The following DOCK1 variants were observed in gnomAD, a reference collection of about 807,000 sequenced individuals.
DOCK1 encodes dedicator of cytokinesis protein 1.
DOCK1 carries 138 observed loss-of-function variants against 262.7 expected under a neutral mutation model. That is an observed-to-expected ratio of 0.53 (90% CI 0.46 to 0.61). The LOEUF (loss-of-function observed/expected upper bound fraction) is 0.61, where lower values mean the gene tolerates loss of function less well. Ranked by LOEUF, DOCK1 falls within the 20% of genes least tolerant of loss-of-function variation. The pLI, the probability that DOCK1 is intolerant of heterozygous loss-of-function variation, is 0.00. For synonymous variants in DOCK1, 866 were observed against 867.4 expected, an observed-to-expected ratio of 1.00 and a Z score of 0.03; for missense variants, 1,908 against 2,370.7, an observed-to-expected ratio of 0.80 and a Z score of 4.05.
At chr10:127,223,829 C>T (rs2058532160) in intron 27 of DOCK1, among the ~76,000 whole-genome samples, 1 of 152,132 alleles carries the variant, frequency 6.6e-6, no homozygotes, top group Non-Finnish European at 1.5e-5. Flanking sequence ...TCACTGTCTC[C>T]TTGTCTATAG....
rs975336020 is a variant in DOCK1 at position 127,031,592 on chromosome 10, GTTATT to G, written c.1625-55_1625-51del. 461 of 1,357,740 alleles carry G rather than the reference GTTATT, an allele frequency of 3.4e-4. 2 individuals are homozygous for G. The Middle Eastern group carries it at 0.013, about 39-fold the overall frequency. The allele number at this position is 1,357,740 out of a possible 1,614,324, so 84.1% of individuals were successfully genotyped here. ...GGTAGCCTTTGTAGCTTCTTATAAT[GTTATT>G]TTGTCATGATAATTGAAAGCAATCA... On this transcript the variant is annotated intron_variant, in intron 16 of 51. Transcript: ENST00000623213.
intron 33 of DOCK1, among the ~76,000 whole-genome samples, chr10:127,368,715 ACT>A (rs1269593884): frequency 4.6e-5 from 7 of 151,208 alleles, no homozygotes; most frequent in African/African-American, 1.7e-4. Context: ...CCTTAAGCTG[ACT>A]CTCCCTGCCT....
At chr10:127,078,165 C>T (rs1315505864) in intron 23 of DOCK1, among the ~76,000 whole-genome samples, 1 of 152,120 alleles carries the variant, frequency 6.6e-6, no homozygotes, top group Non-Finnish European at 1.5e-5. Flanking sequence ...AGGTTAAGAT[C>T]TTCCAGAGAA....
intron 23 of DOCK1, among the ~76,000 whole-genome samples, chr10:127,092,522 T>C (rs2047598355): frequency 6.6e-6 from 1 of 152,178 alleles, no homozygotes. Flanking sequence ...CCCATGCTGC[T>C]CTGTCATCCA....
intron 3 of DOCK1, among the ~76,000 whole-genome samples, chr10:126,978,726 A>G (rs1212941591): frequency 6.6e-6 from 1 of 152,164 alleles, no homozygotes; most frequent in Admixed American, 6.5e-5. Context: ...TTTAATATCT[A>G]ATTATGTTTG....
intron 23 of DOCK1, among the ~76,000 whole-genome samples, chr10:127,083,658 G>A (rs147204620): frequency 4.2e-4 from 64 of 152,276 alleles, no homozygotes; most frequent in African/African-American, 1.5e-3. Context: ...TGATTAGTGA[G>A]TTCTGTTTTC....
intron 23 of DOCK1, among the ~76,000 whole-genome samples, chr10:127,088,549 T>G (rs2047332086): frequency 6.6e-6 from 1 of 152,172 alleles, no homozygotes; most frequent in Non-Finnish European, 1.5e-5. Context: ...ATAACAATGA[T>G]TATGGTGCTT....
chr10:127,018,567 C>T, intron 12 of DOCK1, 143 bp from the exon 13 acceptor site: 1 of 1,346,628 alleles, frequency 7.4e-7, no homozygotes, highest in Non-Finnish European at 1.0e-6. Context: ...TGCCTTGCCC[C>T]TCTCTTTCTC....
rs565167507 is a variant in DOCK1 at position 127,029,170 on chromosome 10, G to A, written c.1625-2480G>A. Among the ~76,000 whole-genome samples the A allele has an allele frequency of 1.1e-4, 16 of 149,930 alleles. No individual in the cohort carries two copies. The East Asian group carries it at 1.7e-3, about 16-fold the overall frequency. On this transcript the variant is annotated intron_variant, in intron 16 of 51. Coordinates refer to ENST00000623213, the MANE Select transcript of DOCK1 (RefSeq NM_001290223.2). Reference sequence around the variant, plus strand: ...CATCTGCATAATAAATGAAGTCTCCGTGGCCACAGCTTGTGGGATTTTGGA... The same window carrying A: ...CATCTGCATAATAAATGAAGTCTCCATGGCCACAGCTTGTGGGATTTTGGA...
intron 29 of DOCK1, among the ~76,000 whole-genome samples, chr10:127,334,242 TGATA>T (rs920043423): frequency 4.6e-5 from 7 of 152,180 alleles, no homozygotes; most frequent in Non-Finnish European, 8.8e-5. Flanking sequence ...ATGAAGCCAT[TGATA>T]GATAGATAGA....
chr10:127,319,517 A>G (rs1329391066), intron 29 of DOCK1, among the ~76,000 whole-genome samples: 1 of 152,236 alleles, frequency 6.6e-6, no homozygotes, highest in East Asian at 1.9e-4. Flanking sequence ...TCATTAGCCC[A>G]TGATCACTCA....
chr10:127,127,198 C>G (rs1218298234), intron 26 of DOCK1, among the ~76,000 whole-genome samples: 3 of 152,218 alleles, frequency 2.0e-5, no homozygotes, highest in African/African-American at 4.8e-5. Context: ...TTAATTTTTA[C>G]TGAATGCCAC....
intron 28 of DOCK1, among the ~76,000 whole-genome samples, chr10:127,253,595 C>G (rs1302317479): frequency 1.3e-5 from 2 of 152,098 alleles, no homozygotes; most frequent in African/African-American, 4.8e-5. Flanking sequence ...ACAATGGAGC[C>G]AGGCTCAGTG....
intron 27 of DOCK1, among the ~76,000 whole-genome samples, chr10:127,186,965 G>T (rs2056331529): frequency 6.6e-6 from 1 of 152,176 alleles, no homozygotes; most frequent in Non-Finnish European, 1.5e-5. Context: ...GGCACATAGA[G>T]TTTTGATAGC....
chr10:127,169,778 C>CT (rs1286960873), intron 27 of DOCK1, among the ~76,000 whole-genome samples: 6 of 152,206 alleles, frequency 3.9e-5, no homozygotes, highest in Admixed American at 2.0e-4. Flanking sequence ...GTCCATGAGA[C>CT]TAAGTCCTTA....
intron 22 of DOCK1, among the ~76,000 whole-genome samples, chr10:127,059,211 T>A (rs1228238690): frequency 1.3e-5 from 2 of 152,196 alleles, no homozygotes; most frequent in Non-Finnish European, 1.5e-5. Context: ...AATGGTATTA[T>A]TTTCTTTCTT....
At chr10:126,938,780 T>TGAAC (rs2034733885) in intron 1 of DOCK1, among the ~76,000 whole-genome samples, 1 of 49,652 alleles carries the variant, frequency 2.0e-5, no homozygotes, top group East Asian at 6.1e-4. Flanking sequence ...CAGGAGGGGA[T>TGAAC]GAACACCAGC....
At chr10:127,362,376 G>A (rs1459033926) in intron 33 of DOCK1, among the ~76,000 whole-genome samples, 164 bp downstream of exon 33, 1 of 152,192 alleles carries the variant, frequency 6.6e-6, no homozygotes, top group Non-Finnish European at 1.5e-5. Flanking sequence ...CCTTATTGAA[G>A]AAGCTTATCA....
chr10:127,151,162 C>T (rs771292830), intron 27 of DOCK1, among the ~76,000 whole-genome samples: 14 of 152,110 alleles, frequency 9.2e-5, no homozygotes, highest in African/African-American at 2.4e-4. Flanking sequence ...TAAGAGTAAT[C>T]GTTAAACTTT....
Sources: allele counts gnomAD v4.1 joint callset (sites outside exome capture counted in the v4.1 genomes callset), GRCh38; gene constraint gnomAD v4.1.1; transcripts MANE v1.5; gene names NCBI Gene and HGNC (gene_info 2026-07-23, HGNC 2026-07-21).